The following SERPINC1 variants were observed in gnomAD, a reference collection of about 807,000 sequenced individuals.
SERPINC1 encodes the protein serpin family C member 1, also known as antithrombin-III.
A neutral mutation model predicts 43.4 loss-of-function variants in SERPINC1; 12 were observed. That is an observed-to-expected ratio of 0.28 (90% CI 0.18 to 0.45). The LOEUF (loss-of-function observed/expected upper bound fraction) is 0.45. Among genes scored for constraint, SERPINC1 ranks in the 20% least tolerant of loss-of-function variants. The probability of loss-of-function intolerance (pLI) is 1.00; values close to 1 mark genes in which losing one functional copy is unlikely to be tolerated. For synonymous variants in SERPINC1, 210 were observed against 218.9 expected (o/e 0.96, Z 0.36); for missense variants, 423 against 578.8 (o/e 0.73, Z 2.76).
chr1:173,909,165 G>GTAATAA (rs111676908), intron 5 of SERPINC1, among the ~76,000 whole-genome samples: 33,338 of 150,774 alleles, frequency 0.22, 6,128 homozygotes, highest in African/African-American at 0.5. Context: ...TCTGTCTCAA[G>GTAATAA]TAATAATAAT....
At chr1:173,906,085 A>AATC (rs747132635) in intron 6 of SERPINC1, among the ~76,000 whole-genome samples, 2 of 151,932 alleles carry the variant, frequency 1.3e-5, no homozygotes, top group Non-Finnish European at 2.9e-5. Flanking sequence ...ACCATTGTCC[A>AATC]ATCTCCTATC....
At chr1:173,914,103 A>AT (rs948071872) in intron 2 of SERPINC1, among the ~76,000 whole-genome samples, 5 of 151,948 alleles carry the variant, frequency 3.3e-5, no homozygotes, top group South Asian at 4.1e-4. Context: ...CTATCCTAGA[A>AT]TTTTTTTCCA....
chr1:173,907,204 T>C (rs1657554233), intron 6 of SERPINC1, among the ~76,000 whole-genome samples: 1 of 152,156 alleles, frequency 6.6e-6, no homozygotes. Context: ...TTGATGGCCT[T>C]TGCTGGCTTC....
At chr1:173,910,720 G>T (rs759050502) in intron 4 of SERPINC1, 34 bp downstream of exon 4, 2 of 1,610,520 alleles carry the variant, frequency 1.2e-6, no homozygotes, top group Non-Finnish European at 1.7e-6. Context: ...GCAAGAGGAA[G>T]TCCCTGGGGT....
At chr1:173,907,906 G>A (rs1157442684) in intron 5 of SERPINC1, among the ~76,000 whole-genome samples, 1 of 151,218 alleles carries the variant, frequency 6.6e-6, no homozygotes, top group Non-Finnish European at 1.5e-5. Context: ...GCTTGAACTC[G>A]GGAGGTGGAG....
rs149006854 is a variant in SERPINC1 at position 173,909,582 on chromosome 1, G to T, written c.1123C>A (p.Leu375Met). 9.3e-6 allele frequency: 15 copies of T among 1,613,862 alleles called. No homozygotes were observed. In the African/African-American group the frequency reaches 2.0e-4, roughly 22 times the overall value. ...EQLQDMGLVD[L>M]FSPEKSKLPG... ...AGTTTGGACTTTTCAGGGCTGAACA[G>T]ATCGACAAGGCCCATGTCTTGCAGC... Residue 375 changes from leucine (L) to methionine (M), a missense_variant, in exon 5 of 7, where the codon CTG (leucine) becomes ATG (methionine). Transcript: ENST00000367698.
At chr1:173,914,428 T>TCGTA in intron 2 of SERPINC1, 125 bp downstream of exon 2, 1 of 1,028,384 alleles carries the variant, frequency 9.7e-7, no homozygotes, top group South Asian at 1.3e-5. Flanking sequence ...TCAAAGGGAA[T>TCGTA]CGTAATGCAT....
chr1:173,913,157 G>A (rs756062085), intron 2 of SERPINC1, among the ~76,000 whole-genome samples: 6 of 152,200 alleles, frequency 3.9e-5, no homozygotes, highest in Non-Finnish European at 8.8e-5. Flanking sequence ...ATACCATCTT[G>A]AAGGGACTCA....
intron 1 of SERPINC1, among the ~76,000 whole-genome samples, chr1:173,916,629 G>C (rs1411879044): frequency 6.6e-6 from 1 of 152,220 alleles, no homozygotes; most frequent in Non-Finnish European, 1.5e-5. Context: ...GAGGACCCTG[G>C]GAGGGCTATG....
chr1:173,912,423 A>G (rs1293588512), intron 2 of SERPINC1, among the ~76,000 whole-genome samples: 1 of 152,180 alleles, frequency 6.6e-6, no homozygotes, highest in East Asian at 1.9e-4. Flanking sequence ...TACTGGTGGT[A>G]GGGGTGAAAA....
At chr1:173,904,782 T>G (rs1310576577) in intron 6 of SERPINC1, among the ~76,000 whole-genome samples, 2 of 152,120 alleles carry the variant, frequency 1.3e-5, no homozygotes, top group African/African-American at 4.8e-5. Flanking sequence ...GTTCCTCCCT[T>G]CCTTACCCGC....
chr1:173,910,008 A>G, intron 4 of SERPINC1, 66 bp from the exon 5 acceptor site: 1 of 1,478,194 alleles, frequency 6.8e-7, no homozygotes, highest in Admixed American at 1.7e-5. Flanking sequence ...CACAAGACAT[A>G]TCCATATTAT....
chr1:173,912,305 AG>A (rs1218299389), intron 2 of SERPINC1, among the ~76,000 whole-genome samples: 1 of 152,222 alleles, frequency 6.6e-6, no homozygotes, highest in African/African-American at 2.4e-5. Flanking sequence ...GAATGGGAAA[AG>A]TCCTCTTGGT....
intron 3 of SERPINC1, 42 bp downstream of exon 3, chr1:173,911,757 A>G (rs761436244): frequency 1.4e-6 from 2 of 1,456,018 alleles, no homozygotes; most frequent in East Asian, 4.5e-5. Flanking sequence ...CTCTGAGTGG[A>G]GAGGAAGAAC....
intron 1 of SERPINC1, chr1:173,915,324 T>C (rs997824051): frequency 3.1e-6 from 1 of 324,366 alleles, no homozygotes; most frequent in Admixed American, 4.8e-5. Context: ...AGGACTCTGA[T>C]AGATGCAGCA....
rs1351719487 is a variant in SERPINC1, at chr1:173,909,857, A to G, written c.848T>C (p.Met283Thr). ...ACGGAACTTGCCTTCCTGGTACATC[A>G]TAGATGCTGAACACGACTCTCCATC... ...KADGESCSASMMYQEGKFRYR... is the reference protein window; with the variant it reads ...KADGESCSASTMYQEGKFRYR... Residue 283 changes from methionine (M) to threonine (T), a missense_variant, in exon 5 of 7, where the codon ATG (methionine) becomes ACG (threonine). By Grantham distance (81) the Met-to-Thr change is moderately conservative (BLOSUM62 -1). Transcript: ENST00000367698. 5 of 1,613,930 alleles carry G rather than the reference A, an allele frequency of 3.1e-6. No homozygotes were observed. The East Asian group carries it at 8.9e-5, about 29-fold the overall frequency.
At position 173,911,958 on chromosome 1, in the gene SERPINC1, AAAG is replaced by A. The variant is rs786204063; in HGVS notation, c.462_464del (p.Phe155del). ...GATAGAGTCGGCAGTTCAGTTTGGC[AAAG>A]AAGAAGTGGATCTGATCAGATGTTT... On this transcript the variant is annotated inframe_deletion, in exon 3 of 7. Coordinates refer to ENST00000367698, the MANE Select transcript of SERPINC1 (RefSeq NM_000488.4). The A allele has an allele frequency of 6.2e-7, 1 of 1,614,192 alleles. No individual in the cohort carries two copies. The highest frequency in any genetic ancestry group is 8.5e-7 in the Non-Finnish European group (1 of 1,180,028).
At chr1:173,911,137 AGAAG>A (rs1657754894) in intron 3 of SERPINC1, among the ~76,000 whole-genome samples, 1 of 152,380 alleles carries the variant, frequency 6.6e-6, no homozygotes, top group African/African-American at 2.4e-5. Flanking sequence ...ATAAATGAAA[AGAAG>A]GAAGGCGAAA....
intron 1 of SERPINC1, among the ~76,000 whole-genome samples, chr1:173,915,788 AC>A (rs1657964308): frequency 6.6e-6 from 1 of 152,182 alleles, no homozygotes; most frequent in Non-Finnish European, 1.5e-5. Flanking sequence ...CTCCAGACTG[AC>A]TATTTGCTGG....
Sources: allele counts gnomAD v4.1 joint callset (sites outside exome capture counted in the v4.1 genomes callset), GRCh38; gene constraint gnomAD v4.1.1; transcripts MANE v1.5; gene names NCBI Gene and HGNC (gene_info 2026-07-23, HGNC 2026-07-21).